Variants in SSPN observed in about 807,000 individuals in gnomAD.
SSPN encodes the protein sarcospan, also known as K-ras oncogene-associated protein.
In SSPN, 15 loss-of-function variants were observed where a neutral mutation model predicts 19.1. The observed-to-expected ratio is 0.78, with a 90% CI of 0.52 to 1.21. The LOEUF is 1.21. SSPN is among the 50% of genes most tolerant of loss of function. The probability of loss-of-function intolerance (pLI) is 0.00; values close to 1 mark genes in which losing one functional copy is unlikely to be tolerated. For missense variants in SSPN, 291 were observed against 314.0 expected, an observed-to-expected ratio of 0.93 and a Z score of 0.55; for synonymous variants, 147 against 140.3, an observed-to-expected ratio of 1.05 and a Z score of -0.34.
intron 1 of SSPN, among the ~76,000 whole-genome samples, chr12:26,160,446 G>C (rs1242596391): frequency 6.6e-6 from 1 of 152,210 alleles, no homozygotes; most frequent in East Asian, 1.9e-4. Flanking sequence ...ACATCAGTGT[G>C]TTAGGTTTCA....
At chr12:26,213,773 G>A (rs1223556213) in intron 1 of SSPN, among the ~76,000 whole-genome samples, 1 of 152,034 alleles carries the variant, frequency 6.6e-6, no homozygotes, top group Non-Finnish European at 1.5e-5. Context: ...TGTATGTCAT[G>A]TTTGTTGGGA....
At chr12:26,178,973 A>T (rs1124417) in intron 1 of SSPN, among the ~76,000 whole-genome samples, 1 of 151,998 alleles carries the variant, frequency 6.6e-6, no homozygotes, top group African/African-American at 2.4e-5. Context: ...AGAGCTCAGC[A>T]CCCCACAGCT....
At chr12:26,151,028 A>T (rs902134829) in intron 1 of SSPN, among the ~76,000 whole-genome samples, 1 of 152,148 alleles carries the variant, frequency 6.6e-6, no homozygotes, top group African/African-American at 2.4e-5. Context: ...AGATACAGAA[A>T]TTCTTCTGCA....
chr12:26,196,127 T>A (rs1262684252), intron 1 of SSPN, among the ~76,000 whole-genome samples, 176 bp downstream of exon 1: 1 of 152,342 alleles, frequency 6.6e-6, no homozygotes, highest in Admixed American at 6.5e-5. Context: ...GGGGCAGGGC[T>A]GGACGCGATA....
intron 1 of SSPN, among the ~76,000 whole-genome samples, chr12:26,184,366 C>G (rs1944738779): frequency 6.6e-6 from 1 of 152,162 alleles, no homozygotes; most frequent in East Asian, 1.9e-4. Context: ...TGAATGAAAA[C>G]TATCATATAA....
chr12:26,214,377 C>T (rs1425711367), intron 1 of SSPN, among the ~76,000 whole-genome samples: 1 of 152,150 alleles, frequency 6.6e-6, no homozygotes, highest in Non-Finnish European at 1.5e-5. Flanking sequence ...GGTGGCTGTA[C>T]CATGCAGTGG....
chr12:26,151,482 C>T (rs1217416138), intron 1 of SSPN, among the ~76,000 whole-genome samples: 1 of 152,164 alleles, frequency 6.6e-6, no homozygotes, highest in Non-Finnish European at 1.5e-5. Context: ...TTCTGAGGCA[C>T]CCTTTCACAT....
At chr12:26,224,710 C>T (rs1327776977) in intron 2 of SSPN, among the ~76,000 whole-genome samples, 5 of 151,682 alleles carry the variant, frequency 3.3e-5, no homozygotes, top group Non-Finnish European at 5.9e-5. Flanking sequence ...TTCCATATCT[C>T]GGGGGTTATT....
chr12:26,145,493 A>G (rs1944484665), intron 1 of SSPN, among the ~76,000 whole-genome samples: 1 of 152,204 alleles, frequency 6.6e-6, no homozygotes, highest in Non-Finnish European at 1.5e-5. Flanking sequence ...CAGACAACAC[A>G]GTGGTGTCCG....
At chr12:26,154,943 CA>C (rs1327117865) in intron 1 of SSPN, among the ~76,000 whole-genome samples, 1 of 152,084 alleles carries the variant, frequency 6.6e-6, no homozygotes, top group Non-Finnish European at 1.5e-5. Flanking sequence ...CTGGGCATGA[CA>C]GTGTAATGAC....
chr12:26,159,102 A>T (rs1038869220), intron 1 of SSPN, among the ~76,000 whole-genome samples: 4 of 152,128 alleles, frequency 2.6e-5, no homozygotes, highest in African/African-American at 9.7e-5. Context: ...GCCTGGCTCT[A>T]CTCAGCCCTG....
At chr12:26,140,860 T>A (rs1368562035) in intron 1 of SSPN, among the ~76,000 whole-genome samples, 1 of 152,224 alleles carries the variant, frequency 6.6e-6, no homozygotes, top group Non-Finnish European at 1.5e-5. Context: ...TGAGTACGAA[T>A]GAATACATTC....
At chr12:26,122,824 C>T (rs1158926257) in intron 1 of SSPN, 1 of 1,584,766 alleles carries the variant, frequency 6.3e-7, no homozygotes, top group Admixed American at 1.8e-5. Context: ...TTCTCGGCGG[C>T]GAGCTCGGCG....
intron 1 of SSPN, among the ~76,000 whole-genome samples, chr12:26,212,780 AG>A (rs1945004016): frequency 6.6e-6 from 1 of 152,310 alleles, no homozygotes; most frequent in South Asian, 2.1e-4. Context: ...AGACATAAAA[AG>A]TTGTTGCTAG....
chr12:26,152,161 T>A (rs968151813), intron 1 of SSPN, among the ~76,000 whole-genome samples: 1 of 152,206 alleles, frequency 6.6e-6, no homozygotes, highest in African/African-American at 2.4e-5. Context: ...TCACATTTGC[T>A]CTTTTCCATG....
In SSPN at chr12:26,227,505, T is replaced by A. The variant is rs560629251; in HGVS notation, c.366+3126T>A. On this transcript the variant is annotated intron_variant, in intron 2 of 2. Coordinates refer to ENST00000242729, the MANE Select transcript of SSPN (RefSeq NM_005086.5). ...AATTAAAATTGAGCAACCACTGTGTTTGTGTAAATGTTTACATCCTTCCTA... is the reference window on the plus strand; with the variant it reads ...AATTAAAATTGAGCAACCACTGTGTATGTGTAAATGTTTACATCCTTCCTA... 5.9e-5 allele frequency among the ~76,000 whole-genome samples: 9 copies of A among 152,320 alleles called. No homozygotes were observed. The South Asian group carries it at 1.9e-3, about 32-fold the overall frequency.
chr12:26,196,033 CTGCATG>C (rs1246592781), intron 1 of SSPN, 82 bp downstream of exon 1: 3 of 1,134,176 alleles, frequency 2.6e-6, no homozygotes, highest in Non-Finnish European at 3.5e-6. Context: ...ACTAACCCAG[CTGCATG>C]TGCCCTTCCC....
chr12:26,179,402 AT>A (rs1180887007), intron 1 of SSPN, among the ~76,000 whole-genome samples: 1 of 152,154 alleles, frequency 6.6e-6, no homozygotes, highest in Non-Finnish European at 1.5e-5. Context: ...AAACTGATGG[AT>A]TTGACCTCTC....
upstream of SSPN, among the ~76,000 whole-genome samples, chr12:26,193,592 G>A (rs572198168): frequency 3.9e-5 from 6 of 152,186 alleles, no homozygotes; most frequent in South Asian, 1.0e-3. Flanking sequence ...TGTCATTTGG[G>A]TTCTTCTCAG....
Sources: gnomAD v4.1 joint callset for allele counts (sites outside exome capture counted in the v4.1 genomes callset) on GRCh38, gnomAD v4.1.1 for gene constraint, MANE v1.5 for transcripts, NCBI Gene and HGNC (gene_info 2026-07-23, HGNC 2026-07-21) for gene names.